The following NOL11 variants were observed in gnomAD, a reference collection of about 807,000 sequenced individuals.
NOL11 encodes the protein nucleolar protein 11.
In NOL11, 42 loss-of-function variants were observed where a neutral mutation model predicts 93.0. The observed-to-expected ratio is 0.45, with a 90% CI of 0.35 to 0.58. The LOEUF is 0.58. Among genes scored for constraint, NOL11 ranks in the 20% least tolerant of loss-of-function variants. The pLI is 0.00. For synonymous variants in NOL11, 296 were observed against 293.7 expected (o/e 1.01, Z -0.08); for missense variants, 775 against 841.8 (o/e 0.92, Z 0.98).
At chr17:67,736,848 T>A in intron 10 of NOL11, 94 bp downstream of exon 10, 2 of 937,290 alleles carry the variant, frequency 2.1e-6, no homozygotes, top group Non-Finnish European at 3.3e-6. Context: ...TTACAACTCT[T>A]AGAGCTTTGA....
Position 67,737,008 on chromosome 17 carries a change from C to T in NOL11, c.1144-63C>T, listed in dbSNP as rs965363009. On this transcript the variant is annotated intron_variant, in intron 10 of 17. Coordinates refer to ENST00000253247, the MANE Select transcript of NOL11 (RefSeq NM_015462.5). Reference sequence around the variant, plus strand: ...AATCTCTTTGGAGTGTTTCATATCCCTCTAAATGTGTATTGGATCTCTTAT... The same window carrying T: ...AATCTCTTTGGAGTGTTTCATATCCTTCTAAATGTGTATTGGATCTCTTAT... 14 of 1,103,108 alleles carry T rather than the reference C, an allele frequency of 1.3e-5. No homozygotes were observed. The Admixed American group carries it at 2.3e-4, about 18-fold the overall frequency. The allele number at this position is 1,103,108 out of a possible 1,614,324, so 68.3% of individuals were successfully genotyped here. A position where few individuals can be genotyped will look rare whatever the true frequency, so the allele number is the denominator to read the frequency against.
At chr17:67,724,609 G>C (rs896668848) in intron 6 of NOL11, among the ~76,000 whole-genome samples, 4 of 152,172 alleles carry the variant, frequency 2.6e-5, no homozygotes, top group African/African-American at 9.7e-5. Flanking sequence ...TGGGATTACA[G>C]GTGTGAGTCA....
intron 16 of NOL11, among the ~76,000 whole-genome samples, chr17:67,741,906 C>T (rs1163918022): frequency 1.3e-5 from 2 of 152,186 alleles, no homozygotes; most frequent in Non-Finnish European, 2.9e-5. Context: ...AGTAGACATA[C>T]ATCTGCCTCA....
intron 7 of NOL11, among the ~76,000 whole-genome samples, chr17:67,731,822 C>G (rs1321209925): frequency 1.3e-5 from 2 of 152,210 alleles, no homozygotes; most frequent in Non-Finnish European, 2.9e-5. Context: ...CTAGATGACT[C>G]TCAATCTATT....
chr17:67,734,790 C>T (rs531957756), intron 8 of NOL11, among the ~76,000 whole-genome samples: 1 of 152,264 alleles, frequency 6.6e-6, no homozygotes, highest in South Asian at 2.1e-4. Context: ...GCAGTCCAGC[C>T]TGGACAACAT....
At chr17:67,738,383 G>C in intron 14 of NOL11, 28 bp downstream of exon 14, 1 of 1,474,320 alleles carries the variant, frequency 6.8e-7, no homozygotes, top group Non-Finnish European at 9.4e-7. Flanking sequence ...GCATCCCTCT[G>C]TTTCTCTTTA....
At position 67,718,039 on chromosome 17, in the gene NOL11, C is replaced by G. The variant is rs1318692671; in HGVS notation, c.92C>G (p.Thr31Arg). Residue 31 changes from threonine to arginine, a missense_variant, in exon 1 of 18, where the codon ACA becomes AGA. By Grantham distance (71) the Thr-to-Arg change is moderately conservative. Coordinates refer to ENST00000253247, the MANE Select transcript of NOL11 (RefSeq NM_015462.5). The part of the protein sequence containing the change: ...GLLGVEQSDK[T>R]DQFLVTDSGR... ...CTAGGCGTGGAGCAGAGCGACAAAA[C>G]AGACCAGTTTCTAGTGACAGACAGC... 3.7e-6 allele frequency: 6 copies of G among 1,614,116 alleles called. No individual in the cohort carries two copies. Among genetic ancestry groups the G allele is most frequent in the Non-Finnish European group, 5.1e-6 (6 of 1,180,048 alleles).
chr17:67,728,215 A>G (rs1317898310), intron 7 of NOL11, among the ~76,000 whole-genome samples: 2 of 152,170 alleles, frequency 1.3e-5, no homozygotes, highest in Non-Finnish European at 1.5e-5. Flanking sequence ...AGCTGAGATC[A>G]CACCACTGCA....
intron 5 of NOL11, among the ~76,000 whole-genome samples, chr17:67,723,608 C>G (rs188155733): frequency 6.6e-6 from 1 of 151,478 alleles, no homozygotes; most frequent in Non-Finnish European, 1.5e-5. Flanking sequence ...AGGCTGGTCT[C>G]GAACTCCTGA....
At chr17:67,737,049 TA>T in intron 10 of NOL11, 21 bp from the exon 11 acceptor site, 1 of 1,472,844 alleles carries the variant, frequency 6.8e-7, no homozygotes, top group Non-Finnish European at 9.5e-7. Context: ...TTTGTGATCC[TA>T]ATCAATTTAC....
intron 16 of NOL11, among the ~76,000 whole-genome samples, chr17:67,743,025 T>C (rs1270318588): frequency 6.6e-6 from 1 of 152,200 alleles, no homozygotes; most frequent in East Asian, 1.9e-4. Flanking sequence ...GAGGATTGCT[T>C]GAGGCCAGGA....
In NOL11 at chr17:67,737,711, C is replaced by T; in HGVS notation, c.1403+19C>T. 2.5e-6 allele frequency: 4 copies of T among 1,607,804 alleles called. No homozygotes were observed. Among genetic ancestry groups the T allele is most frequent in the South Asian group, 2.2e-5 (2 of 89,984 alleles). ...CTTACAGGTAGCTGTTTGTGTGTAC[C>T]ACACTGTACGTGCATAATTCTTCTG... On this transcript the variant is annotated intron_variant, in intron 12 of 17. Coordinates refer to ENST00000253247, the MANE Select transcript of NOL11 (RefSeq NM_015462.5).
chr17:67,731,965 T>A (rs2055158015), intron 7 of NOL11, among the ~76,000 whole-genome samples: 1 of 152,200 alleles, frequency 6.6e-6, no homozygotes, highest in South Asian at 2.1e-4. Flanking sequence ...TTACAATTAT[T>A]CCATGTGATT....
At chr17:67,738,428 A>G in intron 14 of NOL11, 73 bp downstream of exon 14, 1 of 906,364 alleles carries the variant, frequency 1.1e-6, no homozygotes, top group Non-Finnish European at 1.7e-6. Context: ...GTAACCAAGG[A>G]GTAACTCAAT....
chr17:67,730,025 C>T (rs1218140445), intron 7 of NOL11, among the ~76,000 whole-genome samples: 1 of 152,176 alleles, frequency 6.6e-6, no homozygotes, highest in African/African-American at 2.4e-5. Flanking sequence ...CAGACAAGAG[C>T]CACCACGCCT....
chr17:67,739,484 A>C, intron 15 of NOL11, 32 bp from the exon 16 acceptor site: 1 of 1,351,386 alleles, frequency 7.4e-7, no homozygotes, highest in Non-Finnish European at 1.0e-6. Context: ...TTCTATCAAA[A>C]TGATAAACTA....
At chr17:67,720,958 T>G (rs971517397) in intron 3 of NOL11, among the ~76,000 whole-genome samples, 1 of 152,192 alleles carries the variant, frequency 6.6e-6, no homozygotes, top group Non-Finnish European at 1.5e-5. Context: ...TTTTTTGTTG[T>G]TTTCCTCACA....
chr17:67,728,930 C>T (rs545090667), intron 7 of NOL11, among the ~76,000 whole-genome samples: 6 of 151,978 alleles, frequency 3.9e-5, no homozygotes, highest in East Asian at 3.9e-4. Context: ...TAAAATTAAT[C>T]GTTTTATTTT....
At chr17:67,733,248 C>T (rs1238091556) in intron 7 of NOL11, among the ~76,000 whole-genome samples, 1 of 151,956 alleles carries the variant, frequency 6.6e-6, no homozygotes, top group Non-Finnish European at 1.5e-5. Context: ...ACCTGTAATC[C>T]CAGCTACTCG....
Sources: gnomAD v4.1 joint callset for allele counts (sites outside exome capture counted in the v4.1 genomes callset) on GRCh38, gnomAD v4.1.1 for gene constraint, MANE v1.5 for transcripts, NCBI Gene and HGNC (gene_info 2026-07-23, HGNC 2026-07-21) for gene names.